CUL9: variants seen among roughly 807,000 people sequenced by gnomAD.
The protein encoded by CUL9 is cullin-9.
In CUL9, 79 loss-of-function variants were observed where a neutral mutation model predicts 272.6. The observed-to-expected ratio is 0.29, with a 90% CI of 0.24 to 0.35. CUL9 has a LOEUF of 0.35. CUL9 is among the 10% of genes least tolerant of loss of function. CUL9 has a pLI of 1.00. For synonymous variants in CUL9, 1,186 were observed against 1,286.5 expected, an observed-to-expected ratio of 0.92 and a Z score of 1.67; for missense variants, 2,532 against 3,255.6, an observed-to-expected ratio of 0.78 and a Z score of 5.41.
chr6:43,222,596 C>T lies in CUL9; in HGVS notation c.6987C>T (p.Phe2329=). Residue 2329 remains phenylalanine, a synonymous_variant, in exon 37 of 41, where the codon TTC becomes TTT. Coordinates refer to ENST00000252050, the MANE Select transcript of CUL9 (RefSeq NM_015089.4). The part of the protein sequence containing the change: ...AIHEVPPPRS[F]TFLNDACQGL... ...ATGAAGTGCCCCCGCCCAGATCCTT[C>T]ACCTTCCTCAATGATGCCTGCCAGG... 6.2e-7 allele frequency: 1 copy of T among 1,613,352 alleles called. No homozygotes were observed. The highest frequency in any genetic ancestry group is 2.2e-5 in the East Asian group (1 of 44,880).
chr6:43,221,367 A>T lies in CUL9; in HGVS notation c.6752+46A>T. The T allele has an allele frequency of 1.1e-6, 1 of 886,622 alleles. No individual in the cohort carries two copies. Among genetic ancestry groups the T allele is most frequent in the Non-Finnish European group, 1.7e-6 (1 of 601,098 alleles). 54.9% of individuals were successfully genotyped at this position (886,622 alleles called of 1,614,324 possible). On this transcript the variant is annotated intron_variant, in intron 34 of 40. Transcript: ENST00000252050. This position sits in a 1 kb window ranked among gnomAD's most constrained non-coding sequence, Gnocchi z 4.2. ...GGGAGCCAGAGGGCAAGGAGGGGGG[A>T]GGAGGCCTGGCAGAAGGAGGGGGGA...
intron 26 of CUL9, chr6:43,212,886 C>T: frequency 2.4e-6 from 1 of 410,698 alleles, no homozygotes; most frequent in Non-Finnish European, 4.4e-6. Flanking sequence ...AGTGTTTTCT[C>T]TCTGGTGTTT....
chr6:43,200,034 C>A lies in CUL9; in HGVS notation c.3262C>A (p.Leu1088Met). The A allele has an allele frequency of 6.2e-7, 1 of 1,614,232 alleles. No individual in the cohort carries two copies. The highest frequency in any genetic ancestry group is 8.5e-7 in the Non-Finnish European group (1 of 1,180,050). ...AGCAAAAGAGATCCTCTCCAAAGTC[C>A]TGGACAAGCACTCAGCTCAGCTGCT... ...LGAKEILSKV[L>M]DKHSAQLLLG... Residue 1088 changes from leucine to methionine, a missense_variant, in exon 14 of 41, where the codon CTG (leucine) becomes ATG (methionine). Coordinates refer to ENST00000252050, the MANE Select transcript of CUL9 (RefSeq NM_015089.4). The surrounding 1 kb of genome is among the most constrained non-coding windows in gnomAD (Gnocchi z 4.0).
In CUL9 at chr6:43,203,711, G is replaced by A. The variant is rs1410979435; in HGVS notation, c.4025+119G>A. ...GCAGCCAGGACATGAGGGGGAAGGT[G>A]AACGTAGGTGAGAAGTTTGTGTTAA... On this transcript the variant is annotated intron_variant, in intron 19 of 40. Coordinates refer to ENST00000252050, the MANE Select transcript of CUL9 (RefSeq NM_015089.4). This position sits in a 1 kb window ranked among gnomAD's most constrained non-coding sequence, Gnocchi z 5.0. The A allele has an allele frequency of 8.0e-6, 12 of 1,503,406 alleles. No homozygotes were observed. Among genetic ancestry groups the A allele is most frequent in the Middle Eastern group, 4.9e-4 (2 of 4,052 alleles). 93.1% of individuals were successfully genotyped at this position (1,503,406 alleles called of 1,614,324 possible).
In CUL9 at chr6:43,183,786, T is replaced by G. The variant is rs1582272388; in HGVS notation, c.-9-516T>G. 4.6e-5 allele frequency among the ~76,000 whole-genome samples: 7 copies of G among 151,810 alleles called. No individual in the cohort carries two copies. In the South Asian group the frequency reaches 1.5e-3, roughly 32 times the overall value. On this transcript the variant is annotated intron_variant, in intron 1 of 40. Coordinates refer to ENST00000252050, the MANE Select transcript of CUL9 (RefSeq NM_015089.4). ...TTTCTTTTTTTTGACAGAATCTCACTCTGTTGCCCAGGCTGGAGTACAGTG... is the reference window on the plus strand; with the variant it reads ...TTTCTTTTTTTTGACAGAATCTCACGCTGTTGCCCAGGCTGGAGTACAGTG...
Position 43,196,625 on chromosome 6 carries a change from G to T in CUL9, c.2586-20G>T. The T allele has an allele frequency of 1.2e-6, 2 of 1,600,688 alleles. No homozygotes were observed. The highest frequency in any genetic ancestry group is 1.7e-6 in the Non-Finnish European group (2 of 1,167,810). ...ATTCATGGTCTCTCAGTTTCTTCCT[G>T]GTCACCTCCCTCCTCCCAGGTGCTC... On this transcript the variant is annotated intron_variant, in intron 10 of 40. Transcript: ENST00000252050.
rs1775680856 is a variant in CUL9 at position 43,213,371 on chromosome 6, C to T, written c.5359-67C>T. The stretch of plus-strand genomic sequence containing the variant: ...TGTTCTCCTCCTAAACCCTGTTCCT[C>T]CTTCATCCTTACTCCCCTCTTCCTT... On this transcript the variant is annotated intron_variant, in intron 27 of 40. Coordinates refer to ENST00000252050, the MANE Select transcript of CUL9 (RefSeq NM_015089.4). This position sits in a 1 kb window ranked among gnomAD's most constrained non-coding sequence, Gnocchi z 5.7. 5.0e-6 allele frequency: 8 copies of T among 1,610,450 alleles called. No homozygotes were observed. The highest frequency in any genetic ancestry group is 1.3e-5 in the African/African-American group (1 of 74,860).
Position 43,222,516 on chromosome 6 carries a change from C to T in CUL9, c.6922-15C>T. On this transcript the variant is annotated splice_polypyrimidine_tract_variant and intron_variant, in intron 36 of 40. Coordinates refer to ENST00000252050, the MANE Select transcript of CUL9 (RefSeq NM_015089.4). ...CGCCACCTGTGCTGGTACTGATACA[C>T]CTTCCTCCACACAGGAGTTTGCTGT... 6.2e-7 allele frequency: 1 copy of T among 1,613,538 alleles called. No homozygotes were observed. Among genetic ancestry groups the T allele is most frequent in the Non-Finnish European group, 8.5e-7 (1 of 1,179,596 alleles).
chr6:43,204,916 CT>C lies in CUL9; in HGVS notation c.4450-15del, dbSNP rs1427735526. 2 of 1,608,634 alleles carry C rather than the reference CT, an allele frequency of 1.2e-6. No homozygotes were observed. Among genetic ancestry groups the C allele is most frequent in the Non-Finnish European group, 1.7e-6 (2 of 1,176,222 alleles). On this transcript the variant is annotated splice_polypyrimidine_tract_variant and intron_variant, in intron 22 of 40. Transcript: ENST00000252050. ...AGGGGCTGCTCCTTTTATGTCATTT[CT>C]TGCCTTTCTCCTCAGGTCAGCAGAT...
chr6:43,210,781 T>C (rs1775412850), intron 26 of CUL9, among the ~76,000 whole-genome samples: 2 of 152,138 alleles, frequency 1.3e-5, no homozygotes, highest in Admixed American at 6.5e-5. Context: ...TATTAATTAA[T>C]TGACTGTTTC....
At position 43,203,713 on chromosome 6, in the gene CUL9, A is replaced by G. The variant is rs1774819415; in HGVS notation, c.4025+121A>G. 6.6e-7 allele frequency: 1 copy of G among 1,504,908 alleles called. No homozygotes were observed. Among genetic ancestry groups the G allele is most frequent in the African/African-American group, 1.4e-5 (1 of 72,296 alleles). The allele number at this position is 1,504,908 out of a possible 1,614,324, so 93.2% of individuals were successfully genotyped here. On this transcript the variant is annotated intron_variant, in intron 19 of 40. Transcript: ENST00000252050. This position sits in a 1 kb window ranked among gnomAD's most constrained non-coding sequence, Gnocchi z 5.0. ...AGCCAGGACATGAGGGGGAAGGTGA[A>G]CGTAGGTGAGAAGTTTGTGTTAATT...
intron 8 of CUL9, among the ~76,000 whole-genome samples, chr6:43,190,211 A>G (rs2150532290): frequency 6.6e-6 from 1 of 151,576 alleles, no homozygotes; most frequent in Admixed American, 6.6e-5. Context: ...TAATCTATCT[A>G]ATTGGCAGCA....
rs2150573814 is a variant in CUL9 at position 43,200,952 on chromosome 6, T to C, written c.3647+118T>C. The C allele has an allele frequency of 7.6e-7, 1 of 1,315,284 alleles. No homozygotes were observed. Among genetic ancestry groups the C allele is most frequent in the East Asian group, 2.4e-5 (1 of 42,354 alleles). The allele number at this position is 1,315,284 out of a possible 1,614,324, so 81.5% of individuals were successfully genotyped here. ...CTGAGGGACACACTCAAACCTATTT[T>C]GTGCAGTGAACACATAGACACATTG... is the stretch of plus-strand genomic sequence containing the variant. On this transcript the variant is annotated intron_variant, in intron 16 of 40. Transcript: ENST00000252050. The surrounding 1 kb of genome is among the most constrained non-coding windows in gnomAD (Gnocchi z 4.0).
chr6:43,188,759 G>T (rs1420381655), intron 8 of CUL9, 44 bp downstream of exon 8: 3 of 1,480,796 alleles, frequency 2.0e-6, no homozygotes, highest in Non-Finnish European at 2.7e-6. Flanking sequence ...GAAGCTGTAG[G>T]CAAAGGATGG....
At position 43,203,894 on chromosome 6, in the gene CUL9, C is replaced by T. The variant is rs1267635425; in HGVS notation, c.4066C>T (p.Arg1356Cys). The T allele has an allele frequency of 4.3e-6, 7 of 1,613,360 alleles. No individual in the cohort carries two copies. The highest frequency in any genetic ancestry group is 1.3e-5 in the African/African-American group (1 of 74,888). ...GCGCCACGAGCAGAATTTTGCTGAC[C>T]GCTTCCTCCCTGATGATGAGGCCGC... ...VLRHEQNFAD[R>C]FLPDDEAAQA... The change falls in exon 20 of 41, where the codon CGC becomes TGC. Residue 1356 changes from arginine (R) to cysteine (C), a missense_variant. Arg to Cys is a radical substitution (Grantham distance 180, BLOSUM62 -3). Transcript: ENST00000252050. The surrounding 1 kb of genome is among the most constrained non-coding windows in gnomAD (Gnocchi z 5.0).
Position 43,213,023 on chromosome 6 carries a change from C to A in CUL9, c.5213-126C>A. On this transcript the variant is annotated intron_variant, in intron 26 of 40. Coordinates refer to ENST00000252050, the MANE Select transcript of CUL9 (RefSeq NM_015089.4). This position sits in a 1 kb window ranked among gnomAD's most constrained non-coding sequence, Gnocchi z 5.7. ...TCTGGAAGCTTGACAAGGTATCTCT[C>A]TGTCTGAAAATGCTGGGGCCCTCCT... The A allele has an allele frequency of 9.5e-7, 1 of 1,052,312 alleles. No individual in the cohort carries two copies. The highest frequency in any genetic ancestry group is 1.4e-6 in the Non-Finnish European group (1 of 728,446). 65.2% of individuals were successfully genotyped at this position (1,052,312 alleles called of 1,614,324 possible).
Position 43,184,755 on chromosome 6 carries a change from C to T in CUL9, c.445C>T (p.Leu149Phe), listed in dbSNP as rs760564642. 1.8e-5 allele frequency: 29 copies of T among 1,614,204 alleles called. No individual in the cohort carries two copies. Among genetic ancestry groups the T allele is most frequent in the Non-Finnish European group, 2.4e-5 (28 of 1,180,050 alleles). The change falls in exon 2 of 41, where the codon CTC becomes TTC. Residue 149 changes from leucine to phenylalanine, a missense_variant. By Grantham distance (22) the Leu-to-Phe change is conservative. Around this residue, in one of 3 missense-constraint regions of CUL9, gnomAD observed 2,218 missense variants for 2,788.6 expected, o/e 0.80. Coordinates refer to ENST00000252050, the MANE Select transcript of CUL9 (RefSeq NM_015089.4). The surrounding 1 kb of genome is among the most constrained non-coding windows in gnomAD (Gnocchi z 4.8). ...TAAVLHTIHV[L>F]SAYASIGPLT... is the part of the protein sequence containing the mutation. ...CGCTGTGCTTCACACCATCCACGTG[C>T]TCAGTGCCTACGCCAGCATCGGGCC...
chr6:43,202,069 C>T (rs1010048379), intron 16 of CUL9, among the ~76,000 whole-genome samples: 7 of 152,126 alleles, frequency 4.6e-5, no homozygotes, highest in Non-Finnish European at 7.4e-5. Flanking sequence ...TGGGAACTGA[C>T]TGGGAAATCC....
chr6:43,183,987 G>A (rs970770981), intron 1 of CUL9, among the ~76,000 whole-genome samples: 4 of 152,016 alleles, frequency 2.6e-5, no homozygotes, highest in African/African-American at 4.8e-5. Context: ...TCCTGACCTC[G>A]TGATCTGCCC....
Sources: gnomAD v4.1 joint callset for allele counts (sites outside exome capture counted in the v4.1 genomes callset) on GRCh38, gnomAD v4.1.1 for gene constraint, gnomAD v4.1.1 regional missense constraint, Gnocchi (gnomAD v3.1) non-coding constraint, MANE v1.5 for transcripts, NCBI Gene and HGNC (gene_info 2026-07-23, HGNC 2026-07-21) for gene names.